Variants in DENND2A observed in about 807,000 individuals in gnomAD.
DENND2A encodes DENN domain containing 2A.
Under a neutral mutation model 105.3 loss-of-function variants are expected in DENND2A, and 53 were observed. The observed-to-expected ratio is 0.50, with a 90% CI of 0.40 to 0.63. DENND2A has a LOEUF of 0.63. Among genes scored for constraint, DENND2A ranks in the 30% least tolerant of loss-of-function variants. DENND2A has a pLI of 0.00. For synonymous variants in DENND2A, 522 were observed against 508.4 expected (o/e 1.03, Z -0.36); for missense variants, 1,138 against 1,279.6 (o/e 0.89, Z 1.69).
In DENND2A at chr7:140,527,315, C is replaced by T. The variant is rs1191969939; in HGVS notation, c.2505+3G>A. On this transcript the variant is annotated splice_donor_region_variant and intron_variant, in intron 15 of 19. Coordinates refer to ENST00000496613, the MANE Select transcript of DENND2A (RefSeq NM_015689.5). This position sits in a 1 kb window ranked among gnomAD's most constrained non-coding sequence, Gnocchi z 4.9. Reference sequence around the variant, plus strand: ...AGGGGGACAGGGCTGAGTGGGAGCTCACCTCTTCCAGCGGCAGCTCCCTGA... The same window carrying T: ...AGGGGGACAGGGCTGAGTGGGAGCTTACCTCTTCCAGCGGCAGCTCCCTGA... The T allele has an allele frequency of 1.9e-6, 3 of 1,577,298 alleles. No homozygotes were observed. Among genetic ancestry groups the T allele is most frequent in the Non-Finnish European group, 2.6e-6 (3 of 1,162,870 alleles).
intron 9 of DENND2A, among the ~76,000 whole-genome samples, chr7:140,564,226 T>C (rs1408229661): frequency 2.0e-5 from 3 of 150,286 alleles, no homozygotes; most frequent in South Asian, 4.2e-4. Context: ...GAGGCTTCAG[T>C]GAGCCAAGAT....
In DENND2A at chr7:140,602,336, C is replaced by A; in HGVS notation, c.62G>T (p.Gly21Val). ...CTGAACACCTCTGAGCTGCTTCTTC[C>A]CAGCCCTGCTGGCTTCTGCAGCTGG... is the stretch of plus-strand genomic sequence containing the variant. ...SDPAAEASRA[G>V]KKQLRGVQNP... The change falls in exon 3 of 20, where the codon GGG becomes GTG. Residue 21 changes from glycine to valine, a missense_variant. Transcript: ENST00000496613. 1 of 1,599,272 alleles carries A rather than the reference C, an allele frequency of 6.3e-7. No individual in the cohort carries two copies. The highest frequency in any genetic ancestry group is 8.5e-7 in the Non-Finnish European group (1 of 1,177,284).
chr7:140,634,740 T>G (rs1800857218), intron 1 of DENND2A, among the ~76,000 whole-genome samples: 1 of 151,760 alleles, frequency 6.6e-6, no homozygotes, highest in African/African-American at 2.4e-5. Flanking sequence ...GGTGAGGTGG[T>G]GGGCGCCTGT....
Position 140,527,261 on chromosome 7 carries a change from C to T in DENND2A, c.2505+57G>A. ...CTCCATGATGCCTGCAGAGCCAGCGCCCCGCTCTGTTCTCCGCACCCTGCA... is the reference window on the plus strand; with the variant it reads ...CTCCATGATGCCTGCAGAGCCAGCGTCCCGCTCTGTTCTCCGCACCCTGCA... On this transcript the variant is annotated intron_variant, in intron 15 of 19. Transcript: ENST00000496613. This position sits in a 1 kb window ranked among gnomAD's most constrained non-coding sequence, Gnocchi z 4.9. 6.7e-7 allele frequency: 1 copy of T among 1,486,972 alleles called. No homozygotes were observed. The highest frequency in any genetic ancestry group is 9.0e-7 in the Non-Finnish European group (1 of 1,109,682). The allele number at this position is 1,486,972 out of a possible 1,614,324, so 92.1% of individuals were successfully genotyped here. A position where few individuals can be genotyped will look rare whatever the true frequency, so the allele number is the denominator to read the frequency against.
intron 5 of DENND2A, among the ~76,000 whole-genome samples, chr7:140,584,166 C>T (rs78842802): frequency 0.067 from 9,850 of 146,766 alleles, 944 homozygotes; most frequent in East Asian, 0.47. Context: ...TGCTTGAACC[C>T]GGGAGGTGGA....
At chr7:140,623,710 A>G (rs532384553) in intron 1 of DENND2A, among the ~76,000 whole-genome samples, 3 of 142,018 alleles carry the variant, frequency 2.1e-5, no homozygotes, top group East Asian at 2.0e-4. Context: ...ACAGAGCAAG[A>G]CTCCGTCTAG....
At chr7:140,600,970 T>G (rs1414070015) in intron 3 of DENND2A, among the ~76,000 whole-genome samples, 1 of 152,162 alleles carries the variant, frequency 6.6e-6, no homozygotes, top group East Asian at 1.9e-4. Flanking sequence ...CTTCGAGAGG[T>G]TAGATAACTT....
chr7:140,632,501 G>A (rs956989959), intron 1 of DENND2A, among the ~76,000 whole-genome samples: 7 of 152,322 alleles, frequency 4.6e-5, no homozygotes, highest in African/African-American at 1.4e-4. Context: ...TGGCCACAAG[G>A]TGCAGTTTGC....
intron 3 of DENND2A, among the ~76,000 whole-genome samples, chr7:140,591,863 T>C (rs1478143330): frequency 2.4e-5 from 3 of 124,642 alleles, no homozygotes; most frequent in Non-Finnish European, 5.0e-5. Flanking sequence ...TTCCTTCCCT[T>C]CCCTTTCCTT....
rs554168191 is a variant in DENND2A, at chr7:140,552,794, C to G, written c.2037+2842G>C. Among the ~76,000 whole-genome samples the G allele has an allele frequency of 3.3e-5, 5 of 152,288 alleles. No homozygotes were observed. The South Asian group carries it at 1.0e-3, about 32-fold the overall frequency. ...GATCACAGCTCACCACAGCCTCGAA[C>G]TCTTGGGCTCAAGTGATCTACTGGC... On this transcript the variant is annotated intron_variant, in intron 12 of 19. Transcript: ENST00000496613.
At chr7:140,610,357 G>T (rs1161923189) in intron 1 of DENND2A, among the ~76,000 whole-genome samples, 1 of 151,268 alleles carries the variant, frequency 6.6e-6, no homozygotes, top group Non-Finnish European at 1.5e-5. Context: ...GGGTACTGCG[G>T]TCTACTCTCT....
At chr7:140,553,667 T>C (rs1331213014) in intron 12 of DENND2A, among the ~76,000 whole-genome samples, 1 of 152,216 alleles carries the variant, frequency 6.6e-6, no homozygotes, top group African/African-American at 2.4e-5. Flanking sequence ...TTTGTGTCCC[T>C]GGGTACTTGA....
intron 14 of DENND2A, chr7:140,544,360 A>T: frequency 1.8e-6 from 1 of 559,994 alleles, no homozygotes; most frequent in Non-Finnish European, 3.2e-6. Flanking sequence ...ATGGCTGGCT[A>T]ATTTTTCTAT....
At chr7:140,531,291 C>T (rs887386011) in intron 14 of DENND2A, among the ~76,000 whole-genome samples, 1 of 152,128 alleles carries the variant, frequency 6.6e-6, no homozygotes, top group Non-Finnish European at 1.5e-5. Context: ...TGCTCGTGTG[C>T]TATGGTTGTA....
At chr7:140,540,891 T>C (rs539582604) in intron 14 of DENND2A, among the ~76,000 whole-genome samples, 1 of 152,250 alleles carries the variant, frequency 6.6e-6, no homozygotes, top group African/African-American at 2.4e-5. Flanking sequence ...CTAATTTTTG[T>C]ATTTTTAGTA....
At chr7:140,638,520 C>T (rs112490737) in intron 1 of DENND2A, among the ~76,000 whole-genome samples, 28 of 152,296 alleles carry the variant, frequency 1.8e-4, no homozygotes, top group Admixed American at 7.8e-4. Flanking sequence ...CAGGCCTCCC[C>T]ACCCAACAAC....
At chr7:140,577,291 G>A (rs1219956278) in intron 5 of DENND2A, among the ~76,000 whole-genome samples, 3 of 152,150 alleles carry the variant, frequency 2.0e-5, no homozygotes, top group Non-Finnish European at 4.4e-5. Context: ...AGTAAGCACA[G>A]TGAAACAGAT....
intron 1 of DENND2A, among the ~76,000 whole-genome samples, chr7:140,630,720 G>C (rs900953201): frequency 1.3e-5 from 2 of 152,116 alleles, no homozygotes; most frequent in Non-Finnish European, 2.9e-5. Flanking sequence ...AATTAGCCAG[G>C]CATGGTGGCA....
intron 9 of DENND2A, among the ~76,000 whole-genome samples, chr7:140,560,141 C>T (rs1797554980): frequency 6.6e-6 from 1 of 152,232 alleles, no homozygotes. Flanking sequence ...GCTCAGGAAT[C>T]TGGAAGGCAG....
Sources: gnomAD v4.1 joint callset for allele counts (sites outside exome capture counted in the v4.1 genomes callset) on GRCh38, gnomAD v4.1.1 for gene constraint, Gnocchi (gnomAD v3.1) non-coding constraint, MANE v1.5 for transcripts, NCBI Gene and HGNC (gene_info 2026-07-23, HGNC 2026-07-21) for gene names.